Variants in ATP2B2 observed in about 807,000 individuals in gnomAD.
The protein encoded by ATP2B2 is plasma membrane calcium-transporting ATPase 2.
In ATP2B2, 15 loss-of-function variants were observed where a neutral mutation model predicts 120.0. That is an observed-to-expected ratio of 0.12 (90% CI 0.08 to 0.19). The LOEUF (loss-of-function observed/expected upper bound fraction) is 0.19, where lower values mean the gene tolerates loss of function less well. Ranked by LOEUF, ATP2B2 falls within the 10% of genes least tolerant of loss-of-function variation. The probability of loss-of-function intolerance (pLI) is 1.00; values close to 1 mark genes in which losing one functional copy is unlikely to be tolerated. For missense variants in ATP2B2, 1,045 were observed against 1,719.8 expected, an observed-to-expected ratio of 0.61 and a Z score of 6.94; for synonymous variants, 694 against 700.3, an observed-to-expected ratio of 0.99 and a Z score of 0.14.
intron 1 of ATP2B2, among the ~76,000 whole-genome samples, chr3:10,669,030 G>T (rs1293266997): frequency 6.6e-6 from 1 of 152,180 alleles, no homozygotes; most frequent in Non-Finnish European, 1.5e-5. Context: ...TCTACATTCA[G>T]CCTCAGGAAG....
In ATP2B2 at chr3:10,449,491, G is replaced by A. The variant is rs779940389; in HGVS notation, c.53C>T (p.Ser18Leu). Residue 18 changes from serine to leucine, a missense_variant, in exon 2 of 23, where the codon TCG (serine) becomes TTG (leucine). By Grantham distance (145) the Ser-to-Leu change is moderately radical. Around this residue, in one of 11 missense-constraint regions of ATP2B2, gnomAD observed 139 missense variants for 134.2 expected, o/e 1.04. Transcript: ENST00000360273. ...GCACCCGAACTCGCCCCCATGGCTC[G>A]ACTCATTTCTTTGGTTTTTGGAGTA... ...DFYSKNQRNE[S>L]SHGGEFGCTM... 1.1e-5 allele frequency: 17 copies of A among 1,614,114 alleles called. No homozygotes were observed. Among genetic ancestry groups the A allele is most frequent in the African/African-American group, 6.7e-5 (5 of 74,934 alleles).
rs969408918 is a variant in ATP2B2 at position 10,324,781 on chromosome 3, A to G, written c.*4033T>C. On this transcript the variant is annotated 3_prime_UTR_variant, in exon 23 of 23. Transcript: ENST00000360273. The stretch of plus-strand genomic sequence containing the variant: ...TTAAAGAGCAAGAAACTATCCCCCC[A>G]AAACAAAATGAAACAAAAACAACAA... The G allele has an allele frequency of 6.6e-6, 1 of 152,318 alleles. No individual in the cohort carries two copies. Among genetic ancestry groups the G allele is most frequent in the East Asian group, 1.9e-4 (1 of 5,194 alleles). 9.4% of individuals were successfully genotyped at this position (152,318 alleles called of 1,614,324 possible). A position where few individuals can be genotyped will look rare whatever the true frequency, so the allele number is the denominator to read the frequency against.
chr3:10,394,368 C>T (rs2061959108), intron 5 of ATP2B2: 2 of 462,494 alleles, frequency 4.3e-6, no homozygotes, highest in South Asian at 3.1e-5. Flanking sequence ...CACAACAGCC[C>T]CCTGAGGTAG....
intron 2 of ATP2B2, among the ~76,000 whole-genome samples, chr3:10,581,536 G>A (rs1195300430): frequency 2.0e-5 from 3 of 152,310 alleles, no homozygotes; most frequent in Non-Finnish European, 1.5e-5. Context: ...GTTTGTGGGC[G>A]ATTCATCCAC....
At chr3:10,588,456 G>A (rs2068566661) in intron 2 of ATP2B2, among the ~76,000 whole-genome samples, 1 of 152,136 alleles carries the variant, frequency 6.6e-6, no homozygotes, top group South Asian at 2.1e-4. Context: ...CCTTCTGATG[G>A]CAACCTGGTC....
At chr3:10,369,943 G>T (rs1352390386) in intron 12 of ATP2B2, among the ~76,000 whole-genome samples, 2 of 152,128 alleles carry the variant, frequency 1.3e-5, no homozygotes, top group Non-Finnish European at 2.9e-5. Context: ...ACAGGCGCAG[G>T]TATCTATGAT....
At chr3:10,659,119 G>A (rs1227751732) in intron 1 of ATP2B2, among the ~76,000 whole-genome samples, 6 of 152,126 alleles carry the variant, frequency 3.9e-5, no homozygotes, top group Non-Finnish European at 5.9e-5. Context: ...AGGAACAACT[G>A]GTTCCAGCCA....
intron 1 of ATP2B2, among the ~76,000 whole-genome samples, chr3:10,488,349 T>C (rs1457523930): frequency 2.3e-4 from 20 of 88,336 alleles, no homozygotes; most frequent in East Asian, 7.8e-4. Flanking sequence ...ATCCATCCAT[T>C]CACTCACCCA....
intron 2 of ATP2B2, among the ~76,000 whole-genome samples, chr3:10,537,014 T>C (rs2067332475): frequency 6.6e-6 from 1 of 152,242 alleles, no homozygotes; most frequent in African/African-American, 2.4e-5. Context: ...TTTACTCCAT[T>C]GAATTGCTTT....
intron 1 of ATP2B2, among the ~76,000 whole-genome samples, chr3:10,680,617 A>T (rs1215168923): frequency 3.3e-5 from 5 of 152,150 alleles, no homozygotes; most frequent in Non-Finnish European, 5.9e-5. Flanking sequence ...CCCGGGGGAC[A>T]TTAGGTCTCC....
Position 10,328,770 on chromosome 3 carries a change from A to AG in ATP2B2, c.*43dup. On this transcript the variant is annotated 3_prime_UTR_variant, in exon 23 of 23. Coordinates refer to ENST00000360273, the MANE Select transcript of ATP2B2 (RefSeq NM_001001331.4). ...GATGGGTGCCCGGAAAGCGGGTGGC[A>AG]GCGGGGTCCATGAGGGCGGGCGGGC... 2 of 1,558,124 alleles carry AG rather than the reference A, an allele frequency of 1.3e-6. No homozygotes were observed. The highest frequency in any genetic ancestry group is 2.4e-5 in the South Asian group (2 of 81,900).
intron 3 of ATP2B2, among the ~76,000 whole-genome samples, chr3:10,406,440 G>T (rs1057188726): frequency 1.3e-5 from 2 of 152,212 alleles, no homozygotes; most frequent in Non-Finnish European, 2.9e-5. Context: ...TACCGCAGTG[G>T]TCTCATAATA....
intron 2 of ATP2B2, among the ~76,000 whole-genome samples, chr3:10,543,317 G>A (rs1232747664): frequency 1.3e-5 from 2 of 152,194 alleles, no homozygotes; most frequent in African/African-American, 4.8e-5. Context: ...CACTGAGCTT[G>A]TTGAGTTTGG....
At chr3:10,590,400 T>C (rs970287827) in intron 2 of ATP2B2, among the ~76,000 whole-genome samples, 2 of 152,232 alleles carry the variant, frequency 1.3e-5, no homozygotes, top group African/African-American at 2.4e-5. Flanking sequence ...GCTAAAAGTA[T>C]GTTTTACTGT....
chr3:10,511,404 G>T (rs2066758732), intron 3 of ATP2B2, among the ~76,000 whole-genome samples: 1 of 152,184 alleles, frequency 6.6e-6, no homozygotes, highest in Non-Finnish European at 1.5e-5. Context: ...CTAGCACTGG[G>T]AAAAGATCCT....
chr3:10,420,725 C>A (rs977608648), intron 2 of ATP2B2, among the ~76,000 whole-genome samples: 2 of 152,184 alleles, frequency 1.3e-5, no homozygotes, highest in South Asian at 2.1e-4. Context: ...CAGAGTTAAA[C>A]GAGGTCGCAT....
intron 1 of ATP2B2, among the ~76,000 whole-genome samples, chr3:10,628,327 G>T (rs2069765086): frequency 6.6e-6 from 1 of 150,684 alleles, no homozygotes; most frequent in Non-Finnish European, 1.5e-5. Context: ...AGGTGGCCAT[G>T]CCACCATCCA....
intron 1 of ATP2B2, among the ~76,000 whole-genome samples, chr3:10,694,838 C>T (rs980581350): frequency 6.6e-6 from 1 of 152,104 alleles, no homozygotes; most frequent in Non-Finnish European, 1.5e-5. Context: ...CTGCCTGCCC[C>T]CTTCCCCCCT....
intron 2 of ATP2B2, among the ~76,000 whole-genome samples, chr3:10,610,875 A>T (rs1284018775): frequency 6.6e-6 from 1 of 152,196 alleles, no homozygotes; most frequent in Non-Finnish European, 1.5e-5. Context: ...CAGCCCTGGC[A>T]TGCCAAGAGA....
Sources: allele counts gnomAD v4.1 joint callset (sites outside exome capture counted in the v4.1 genomes callset), GRCh38; gene constraint gnomAD v4.1.1; regional missense constraint gnomAD v4.1.1; transcripts MANE v1.5; gene names NCBI Gene and HGNC (gene_info 2026-07-23, HGNC 2026-07-21).